The following TRMT11 variants were observed in gnomAD, a reference collection of about 807,000 sequenced individuals.
The protein encoded by TRMT11 is tRNA methyltransferase 11, also known as tRNA (guanine(10)-N(2))-methyltransferase TRMT11.
Under a neutral mutation model 62.8 loss-of-function variants are expected in TRMT11, and 53 were observed. The observed-to-expected ratio is 0.84, with a 90% confidence interval of 0.68 to 1.06. The LOEUF (loss-of-function observed/expected upper bound fraction) is 1.06, where lower values mean the gene tolerates loss of function less well. Ranked by LOEUF, TRMT11 falls within the 50% of genes least tolerant of loss-of-function variation. The probability of loss-of-function intolerance (pLI) is 0.00; values close to 1 mark genes in which losing one functional copy is unlikely to be tolerated. For missense variants in TRMT11, 556 were observed against 553.4 expected (o/e 1.00, Z -0.05); for synonymous variants, 188 against 190.3 (o/e 0.99, Z 0.10).
chr6:126,017,251 A>C (rs1795121147), intron 11 of TRMT11, among the ~76,000 whole-genome samples: 1 of 152,178 alleles, frequency 6.6e-6, no homozygotes, highest in Non-Finnish European at 1.5e-5. Flanking sequence ...ATTTACTCTC[A>C]GCCAAACCCT....
At chr6:126,215,706 T>C in the TRMT11 span, among the ~76,000 whole-genome samples, 1 of 152,094 alleles carries the variant, frequency 6.6e-6, no homozygotes, top group African/African-American at 2.4e-5. Context: ...TCTGATGATA[T>C]GTTCTAATTT....
chr6:126,271,444 A>C, the TRMT11 span, among the ~76,000 whole-genome samples: 1 of 150,666 alleles, frequency 6.6e-6, no homozygotes, highest in Non-Finnish European at 1.5e-5. Context: ...TGATATTTTA[A>C]TAATTTTCAC....
intron 21 of TRMT11, among the ~76,000 whole-genome samples, chr6:126,115,958 C>A (rs1327654822): frequency 6.6e-6 from 1 of 151,758 alleles, no homozygotes; most frequent in African/African-American, 2.4e-5. Flanking sequence ...GGGCTCCCCC[C>A]TCCAAGATTC....
intron 21 of TRMT11, among the ~76,000 whole-genome samples, chr6:126,141,864 C>G (rs1777920583): frequency 6.6e-6 from 1 of 152,058 alleles, no homozygotes; most frequent in Non-Finnish European, 1.5e-5. Context: ...TAAGACTTCA[C>G]TATTTCAAGA....
At chr6:126,091,054 A>G (rs978680997) in intron 17 of TRMT11, among the ~76,000 whole-genome samples, 2 of 152,108 alleles carry the variant, frequency 1.3e-5, no homozygotes, top group African/African-American at 4.8e-5. Flanking sequence ...TACTAAAAAT[A>G]CAAAAATTAG....
intron 17 of TRMT11, among the ~76,000 whole-genome samples, chr6:126,101,303 A>G (rs1404838064): frequency 6.6e-6 from 1 of 152,212 alleles, no homozygotes; most frequent in Non-Finnish European, 1.5e-5. Flanking sequence ...TACAATTAAT[A>G]ATAACTTTGA....
Position 125,998,622 on chromosome 6 carries a change from G to C in TRMT11, c.460G>C (p.Asp154His), listed in dbSNP as rs754947388. The change falls in exon 6 of 13, where the codon GAT becomes CAT. Residue 154 changes from aspartate to histidine, a missense_variant. Coordinates refer to ENST00000334379, the MANE Select transcript of TRMT11 (RefSeq NM_001031712.3). The stretch of plus-strand genomic sequence containing the variant: ...GCAACATGTATTTTCTGTTTTGGAG[G>C]ATTATGGTTTAGACCCAAACTGCAT... ...KPQHVFSVLE[D>H]YGLDPNCIPE... 6.2e-7 allele frequency: 1 copy of C among 1,613,480 alleles called. No individual in the cohort carries two copies. Among genetic ancestry groups the C allele is most frequent in the Admixed American group, 1.7e-5 (1 of 59,982 alleles).
chr6:126,235,739 T>C, the TRMT11 span, among the ~76,000 whole-genome samples: 3 of 152,042 alleles, frequency 2.0e-5, no homozygotes, highest in Admixed American at 1.3e-4. Context: ...TTATGAAGAA[T>C]AGCTAATGGA....
At chr6:126,163,794 G>C (rs1229066602) in intron 21 of TRMT11, among the ~76,000 whole-genome samples, 2 of 152,022 alleles carry the variant, frequency 1.3e-5, no homozygotes, top group Non-Finnish European at 2.9e-5. Context: ...ATGGTAGTTT[G>C]TATTTCTGTG....
chr6:126,076,397 T>C (rs1436801785), intron 17 of TRMT11, among the ~76,000 whole-genome samples: 1 of 152,104 alleles, frequency 6.6e-6, no homozygotes, highest in Non-Finnish European at 1.5e-5. Flanking sequence ...TGAAGCCAAA[T>C]CAAGAGACCA....
intron 11 of TRMT11, among the ~76,000 whole-genome samples, chr6:126,019,903 G>C (rs1583745906): frequency 6.6e-6 from 1 of 152,280 alleles, no homozygotes; most frequent in East Asian, 1.9e-4. Flanking sequence ...TACTAGATGA[G>C]GTGAAATCTG....
intron 17 of TRMT11, among the ~76,000 whole-genome samples, chr6:126,105,590 GA>G (rs1412595603): frequency 1.3e-5 from 2 of 151,476 alleles, no homozygotes; most frequent in African/African-American, 4.9e-5. Context: ...TGATCTTTAA[GA>G]TTGTTTTTTT....
chr6:126,111,408 G>T (rs1165428304), intron 17 of TRMT11, among the ~76,000 whole-genome samples: 1 of 151,984 alleles, frequency 6.6e-6, no homozygotes, highest in Non-Finnish European at 1.5e-5. Flanking sequence ...CATCTTTCTT[G>T]TCTACCTTAG....
intron 12 of TRMT11, among the ~76,000 whole-genome samples, chr6:126,025,747 G>A (rs1203539578): frequency 6.6e-6 from 1 of 152,152 alleles, no homozygotes; most frequent in East Asian, 1.9e-4. Context: ...GTTGATTTTG[G>A]CAATGGAAGA....
intron 12 of TRMT11, among the ~76,000 whole-genome samples, chr6:126,026,496 CT>C (rs1473475406): frequency 6.6e-6 from 1 of 151,872 alleles, no homozygotes; most frequent in Non-Finnish European, 1.5e-5. Context: ...AGTGATTCTC[CT>C]TGCCTCAGCC....
At chr6:126,050,129 G>T (rs913303002) in intron 16 of TRMT11, among the ~76,000 whole-genome samples, 5 of 152,042 alleles carry the variant, frequency 3.3e-5, no homozygotes, top group Non-Finnish European at 5.9e-5. Flanking sequence ...AGGAGTTCGG[G>T]ACTAGCCTGG....
chr6:126,195,049 G>C (rs1778649005), intron 1 of TRMT11, among the ~76,000 whole-genome samples: 1 of 152,218 alleles, frequency 6.6e-6, no homozygotes, highest in African/African-American at 2.4e-5. Flanking sequence ...CCAGGAGTTT[G>C]AGGGTGCAAT....
intron 16 of TRMT11, among the ~76,000 whole-genome samples, chr6:126,052,294 C>G (rs1005592273): frequency 1.3e-5 from 2 of 152,106 alleles, no homozygotes; most frequent in East Asian, 3.9e-4. Context: ...TAAAGAAATA[C>G]GCAGGCTGCC....
intron 12 of TRMT11, among the ~76,000 whole-genome samples, chr6:126,021,503 A>G (rs921011064): frequency 6.6e-6 from 1 of 152,182 alleles, no homozygotes; most frequent in Non-Finnish European, 1.5e-5. Context: ...GTTCAAATAG[A>G]CGTTGACCCT....
Sources: gnomAD v4.1 joint callset for allele counts (sites outside exome capture counted in the v4.1 genomes callset) on GRCh38, gnomAD v4.1.1 for gene constraint, MANE v1.5 for transcripts, NCBI Gene and HGNC (gene_info 2026-07-23, HGNC 2026-07-21) for gene names.